UNC79: variants seen among roughly 807,000 people sequenced by gnomAD.
UNC79 encodes protein unc-79 homolog.
UNC79 carries 37 observed loss-of-function variants against 283.1 expected under a neutral mutation model. The observed-to-expected ratio is 0.13, with a 90% CI of 0.10 to 0.17. UNC79 has a LOEUF of 0.17. UNC79 is among the 10% of genes least tolerant of loss of function. The pLI, the probability that UNC79 is intolerant of heterozygous loss-of-function variation, is 1.00. For missense variants in UNC79, 2,272 were observed against 3,211.1 expected (o/e 0.71, Z 7.07); for synonymous variants, 1,107 against 1,200.2 (o/e 0.92, Z 1.61).
At chr14:93,334,496 G>A (rs2053531967) in intron 1 of UNC79, 1 of 152,168 alleles carries the variant, frequency 6.6e-6, no homozygotes, top group Non-Finnish European at 1.5e-5. Flanking sequence ...AAAGAAATAG[G>A]TCCATCTAAT....
intron 1 of UNC79, among the ~76,000 whole-genome samples, chr14:93,393,899 G>T (rs948230907): frequency 3.3e-5 from 5 of 151,510 alleles, no homozygotes; most frequent in Non-Finnish European, 7.4e-5. Flanking sequence ...AGTTACTATT[G>T]TCCCCTAACC....
chr14:93,357,924 TAG>T (rs1566890347), intron 1 of UNC79, among the ~76,000 whole-genome samples: 1,205 of 19,182 alleles, frequency 0.063, 1 homozygote, highest in Middle Eastern at 0.13. Context: ...TCCATATATA[TAG>T]ATATATATGG....
At chr14:93,637,493 G>A (rs1349078546) in intron 32 of UNC79, among the ~76,000 whole-genome samples, 194 bp downstream of exon 35, 2 of 152,122 alleles carry the variant, frequency 1.3e-5, no homozygotes, top group Non-Finnish European at 2.9e-5. Flanking sequence ...CTTCCTTATA[G>A]TGACTTTCTA....
At chr14:93,408,860 A>G (rs1206698455) in intron 1 of UNC79, among the ~76,000 whole-genome samples, 1 of 152,230 alleles carries the variant, frequency 6.6e-6, no homozygotes, top group East Asian at 1.9e-4. Flanking sequence ...TCTGCCTAAT[A>G]AAACCTTTAT....
At position 93,621,063 on chromosome 14, in the gene UNC79, A is replaced by G. The variant is rs1373148356; in HGVS notation, c.4388-558A>G. ...AGAAGTATGAATTTTTTCTCTTAGT[A>G]ATTTTATGCAGAAATGTTGTACTCT... On this transcript the variant is annotated intron_variant, in intron 29 of 48. Transcript: ENST00000555664. This position sits in a 1 kb window ranked among gnomAD's most constrained non-coding sequence, Gnocchi z 4.8. The G allele has an allele frequency of 2.0e-6, 1 of 502,842 alleles. No individual in the cohort carries two copies. Among genetic ancestry groups the G allele is most frequent in the Non-Finnish European group, 4.0e-6 (1 of 251,738 alleles). 31.1% of individuals were successfully genotyped at this position (502,842 alleles called of 1,614,324 possible).
chr14:93,600,948 T>C lies in UNC79; in HGVS notation c.3574+178T>C, dbSNP rs570912706. Among the ~76,000 whole-genome samples the C allele has an allele frequency of 2.0e-5, 3 of 152,304 alleles. No homozygotes were observed. In the South Asian group the frequency reaches 6.2e-4, roughly 32 times the overall value. ...GTAGTAATCCATAGATTTAAGCATATCCTGGCATTCCAAAATCAGAATTCT... is the reference window on the plus strand; with the variant it reads ...GTAGTAATCCATAGATTTAAGCATACCCTGGCATTCCAAAATCAGAATTCT... On this transcript the variant is annotated intron_variant, in intron 25 of 48. Transcript: ENST00000555664.
At chr14:93,524,564 T>A (rs573988621) in intron 8 of UNC79, among the ~76,000 whole-genome samples, 1 of 152,324 alleles carries the variant, frequency 6.6e-6, no homozygotes, top group African/African-American at 2.4e-5. Flanking sequence ...CAGAGTCAAG[T>A]CATTTTCCTA....
At chr14:93,580,099 CTT>C (rs149492147) in intron 18 of UNC79, 48 bp from the exon 19 acceptor site, 9 of 1,307,314 alleles carry the variant, frequency 6.9e-6, no homozygotes, top group South Asian at 6.1e-5. Context: ...CCTTCTTCTT[CTT>C]TTTTTTTTGT....
At chr14:93,706,604 G>A (rs2075896750) in intron 48 of UNC79, 100 bp from the exon 52 acceptor site, 1 of 1,386,998 alleles carries the variant, frequency 7.2e-7, no homozygotes, top group Admixed American at 1.8e-5. Flanking sequence ...CAACCCTTGA[G>A]CCAAGCCTAA....
At chr14:93,399,611 T>C (rs2055066686) in intron 1 of UNC79, among the ~76,000 whole-genome samples, 1 of 152,208 alleles carries the variant, frequency 6.6e-6, no homozygotes, top group Admixed American at 6.5e-5. Flanking sequence ...GCACTTTATA[T>C]GTGGATTTCA....
chr14:93,437,224 C>T (rs1021446269), intron 1 of UNC79, among the ~76,000 whole-genome samples: 1 of 152,062 alleles, frequency 6.6e-6, no homozygotes, highest in Non-Finnish European at 1.5e-5. Flanking sequence ...GAATCTTAAG[C>T]TCTCCAGGAA....
chr14:93,543,202 G>GTA (rs34597873), intron 14 of UNC79, among the ~76,000 whole-genome samples: 40,936 of 149,038 alleles, frequency 0.27, 6,029 homozygotes, highest in East Asian at 0.69. Flanking sequence ...TTTTAATCAT[G>GTA]TATATATATA....
chr14:93,705,015 G>T (rs991644324), intron 48 of UNC79, among the ~76,000 whole-genome samples: 3 of 152,154 alleles, frequency 2.0e-5, no homozygotes, highest in African/African-American at 7.2e-5. Flanking sequence ...TGGGAGGTTT[G>T]CTTGAGGCCA....
At position 93,660,520 on chromosome 14, in the gene UNC79, CATATATATATATATATATATATATAT is replaced by C. The variant is rs57703735; in HGVS notation, c.6525+1278_6525+1303del. On this transcript the variant is annotated intron_variant, in intron 39 of 48. Transcript: ENST00000555664. ...TATTGACAATGTTTCAAGACAATAG[CATATATATATATATATATATATATAT>C]ATATATATATATATATATGTGTGTG... Among the ~76,000 whole-genome samples the C allele has an allele frequency of 6.4e-4, 31 of 48,730 alleles. 1 individual carries two copies. In the South Asian group the frequency reaches 0.027, roughly 42 times the overall value. 32.0% of individuals were successfully genotyped at this position (48,730 alleles called of 152,430 possible).
At chr14:93,530,856 C>T (rs2060788624) in intron 10 of UNC79, among the ~76,000 whole-genome samples, 3 of 152,164 alleles carry the variant, frequency 2.0e-5, no homozygotes, top group African/African-American at 7.2e-5. Context: ...TGGCAGTGAG[C>T]CGAGATCGCC....
At chr14:93,581,484 CTTTTTTTTTTTT>C (rs569060513) in intron 19 of UNC79, among the ~76,000 whole-genome samples, 1 of 100,658 alleles carries the variant, frequency 9.9e-6, no homozygotes. Flanking sequence ...GTATTTGCAT[CTTTTTTTTTTTT>C]TTTTTTTTTT....
chr14:93,392,678 T>C (rs17129035), intron 1 of UNC79, among the ~76,000 whole-genome samples: 6,015 of 152,252 alleles, frequency 0.04, 411 homozygotes, highest in African/African-American at 0.14. Context: ...TCATCACATA[T>C]CCCTTCAGTT....
intron 26 of UNC79, 61 bp from the exon 27 acceptor site, chr14:93,604,835 A>G: frequency 6.8e-7 from 1 of 1,476,176 alleles, no homozygotes; most frequent in Non-Finnish European, 9.0e-7. Flanking sequence ...CACTGAGTAT[A>G]TTTTCTAGGC....
intron 1 of UNC79, among the ~76,000 whole-genome samples, chr14:93,406,058 C>T (rs1227011243): frequency 6.6e-6 from 1 of 152,144 alleles, no homozygotes; most frequent in South Asian, 2.1e-4. Flanking sequence ...AATAGTTAAT[C>T]CCTATTTTAT....
Sources: gnomAD v4.1 joint callset for allele counts (sites outside exome capture counted in the v4.1 genomes callset) on GRCh38, gnomAD v4.1.1 for gene constraint, Gnocchi (gnomAD v3.1) non-coding constraint, MANE v1.5 for transcripts, NCBI Gene and HGNC (gene_info 2026-07-23, HGNC 2026-07-21) for gene names.